The following PTCH1 variants were observed in gnomAD, a reference collection of about 807,000 sequenced individuals.
PTCH1 encodes the protein patched 1.
PTCH1 carries 14 observed loss-of-function variants against 144.6 expected under a neutral mutation model. The observed-to-expected ratio is 0.10, with a 90% confidence interval of 0.06 to 0.15. The LOEUF is 0.15. PTCH1 is among the 10% of genes least tolerant of loss of function. The pLI, the probability that PTCH1 is intolerant of heterozygous loss-of-function variation, is 1.00. For missense variants in PTCH1, 1,623 were observed against 1,948.3 expected (o/e 0.83, Z 3.14); for synonymous variants, 833 against 793.6 (o/e 1.05, Z -0.83).
At position 95,478,117 on chromosome 9, in the gene PTCH1, C is replaced by A. The variant is rs377546733; in HGVS notation, c.1285G>T (p.Asp429Tyr). 6.2e-7 allele frequency: 1 copy of A among 1,614,168 alleles called. No homozygotes were observed. Among genetic ancestry groups the A allele is most frequent in the Non-Finnish European group, 8.5e-7 (1 of 1,180,040 alleles). The change falls in exon 9 of 24, where the codon GAC becomes TAC. Residue 429 changes from aspartate (D) to tyrosine (Y), a missense_variant. Asp to Tyr is a radical substitution (Grantham distance 160). Around this residue, in one of 7 missense-constraint regions of PTCH1, gnomAD observed 230 missense variants for 271.0 expected, o/e 0.85. Transcript: ENST00000331920. ...VLSFTTTTLD[D>Y]ILKSFSDVSV... Reference sequence around the variant, plus strand: ...ACGTCAGAGAAGGATTTCAGGATGTCGTCCAGGGTCGTGGTGGTGAAGGAA... The same window carrying A: ...ACGTCAGAGAAGGATTTCAGGATGTAGTCCAGGGTCGTGGTGGTGAAGGAA...
chr9:95,495,263 AGCCACCAACCAAAAAACGGAAGGGTG>A (rs1842709824), intron 2 of PTCH1: 1 of 152,146 alleles, frequency 6.6e-6, no homozygotes, highest in Non-Finnish European at 1.5e-5. Context: ...CACTTCTTAT[AGCCACCAACCAAAAAACGGAAGGGTG>A]GAGGTGGGGG....
Position 95,449,303 on chromosome 9 carries a change from C to T in PTCH1, c.3570G>A (p.Leu1190=), listed in dbSNP as rs1199910144. 1 of 1,553,298 alleles carries T rather than the reference C, an allele frequency of 6.4e-7. No individual in the cohort carries two copies. The highest frequency in any genetic ancestry group is 8.7e-7 in the Non-Finnish European group (1 of 1,149,736). Residue 1190 remains leucine, a synonymous_variant, in exon 22 of 24, where the codon TTG becomes TTA. Transcript: ENST00000331920. This position sits in a 1 kb window ranked among gnomAD's most constrained non-coding sequence, Gnocchi z 5.3. Reference sequence around the variant, plus strand: ...CAGGGGAGGGTGTGGGCAGGCGGTTCAAGCCGTTGGCTGGAGACACCTATT... The same window carrying T: ...CAGGGGAGGGTGTGGGCAGGCGGTTTAAGCCGTTGGCTGGAGACACCTATT... ...PYPEVSPANG[L]NRLPTPSPEP... is the part of the protein sequence containing the mutation.
chr9:95,445,523 T>C lies in PTCH1; in HGVS notation c.*870A>G, dbSNP rs1236570646. ...GGAGATTATCCCCCTGAAGCACAAA[T>C]TGGGGTCCTGGATGGCAGCCAATGA... On this transcript the variant is annotated 3_prime_UTR_variant, in exon 24 of 24. Coordinates refer to ENST00000331920, the MANE Select transcript of PTCH1 (RefSeq NM_000264.5). The C allele has an allele frequency of 1.3e-5, 2 of 152,164 alleles. No homozygotes were observed. The highest frequency in any genetic ancestry group is 2.9e-5 in the Non-Finnish European group (2 of 68,070). 9.4% of individuals were successfully genotyped at this position (152,164 alleles called of 1,614,324 possible).
At chr9:95,502,861 G>A (rs1843250466) in intron 2 of PTCH1, among the ~76,000 whole-genome samples, 1 of 152,172 alleles carries the variant, frequency 6.6e-6, no homozygotes, top group African/African-American at 2.4e-5. Flanking sequence ...AAGCATGAAA[G>A]TCAATTTGAA....
intron 19 of PTCH1, among the ~76,000 whole-genome samples, chr9:95,455,330 C>A (rs2136640952): frequency 6.6e-6 from 1 of 152,306 alleles, no homozygotes; most frequent in Non-Finnish European, 1.5e-5. Context: ...TGTGCTGAGC[C>A]CAAAGGAAAC....
chr9:95,507,179 A>G (rs1453199672), intron 1 of PTCH1: 8 of 985,392 alleles, frequency 8.1e-6, no homozygotes, highest in East Asian at 1.1e-4. Flanking sequence ...TAGCGTGGGG[A>G]GAGGCTGTGT....
intron 15 of PTCH1, among the ~76,000 whole-genome samples, chr9:95,465,418 T>C (rs1243226400): frequency 6.6e-6 from 1 of 152,212 alleles, no homozygotes; most frequent in African/African-American, 2.4e-5. Context: ...TTTTAACTCA[T>C]TATCCCAAAA....
At chr9:95,500,077 T>A (rs1014605444) in intron 2 of PTCH1, among the ~76,000 whole-genome samples, 1 of 152,200 alleles carries the variant, frequency 6.6e-6, no homozygotes, top group Non-Finnish European at 1.5e-5. Flanking sequence ...AAATCTCCCA[T>A]GGCTTGTCCA....
chr9:95,477,232 G>A (rs766874233), intron 10 of PTCH1, among the ~76,000 whole-genome samples: 9 of 152,178 alleles, frequency 5.9e-5, no homozygotes, highest in African/African-American at 9.7e-5. Context: ...CCTGGCAATC[G>A]GAGCTTTCAC....
At chr9:95,490,276 C>G (rs1181209562) in intron 2 of PTCH1, among the ~76,000 whole-genome samples, 8 of 151,562 alleles carry the variant, frequency 5.3e-5, no homozygotes, top group Non-Finnish European at 1.0e-4. Flanking sequence ...GAGTCGAGAC[C>G]AGCCTGGGCA....
In PTCH1 at chr9:95,444,598, C is replaced by T. The variant is rs917095674; in HGVS notation, c.*1795G>A. The T allele has an allele frequency of 6.6e-6, 1 of 152,290 alleles. No individual in the cohort carries two copies. The highest frequency in any genetic ancestry group is 1.5e-5 in the Non-Finnish European group (1 of 68,152). 9.4% of individuals were successfully genotyped at this position (152,290 alleles called of 1,614,324 possible). A position where few individuals can be genotyped will look rare whatever the true frequency, so the allele number is the denominator to read the frequency against. Reference sequence around the variant, plus strand: ...TGGTGAGTATCAGGGTCTGAGGTCACTATGCTGTGGGTATTTCTGGGGGCC... The same window carrying T: ...TGGTGAGTATCAGGGTCTGAGGTCATTATGCTGTGGGTATTTCTGGGGGCC... On this transcript the variant is annotated 3_prime_UTR_variant, in exon 24 of 24. Coordinates refer to ENST00000331920, the MANE Select transcript of PTCH1 (RefSeq NM_000264.5).
At chr9:95,478,952 G>T in intron 8 of PTCH1, 48 bp downstream of exon 8, 1 of 1,612,790 alleles carries the variant, frequency 6.2e-7, no homozygotes, top group Non-Finnish European at 8.5e-7. Flanking sequence ...TGAAAATGAA[G>T]AATTGCATAA....
chr9:95,466,040 C>T (rs141606986), intron 15 of PTCH1, among the ~76,000 whole-genome samples: 96 of 152,062 alleles, frequency 6.3e-4, no homozygotes, highest in African/African-American at 1.8e-3. Flanking sequence ...CCAATAAAGG[C>T]ACTGTTATTT....
At position 95,447,128 on chromosome 9, in the gene PTCH1, G is replaced by T. The variant is rs142148876; in HGVS notation, c.4128C>A (p.Ser1376=). The change falls in exon 23 of 24, where the codon TCC becomes TCA. Residue 1376 remains serine, a synonymous_variant. Coordinates refer to ENST00000331920, the MANE Select transcript of PTCH1 (RefSeq NM_000264.5). The part of the protein sequence containing the change: ...QPITTVTASA[S]VTVAVHPPPV... The stretch of plus-strand genomic sequence containing the variant: ...GCGGCGGGTGCACGGCGACAGTCAC[G>T]GAGGCAGAAGCCGTCACAGTGGTGA... The T allele has an allele frequency of 6.2e-7, 1 of 1,613,274 alleles. No homozygotes were observed. Among genetic ancestry groups the T allele is most frequent in the Non-Finnish European group, 8.5e-7 (1 of 1,179,916 alleles).
intron 2 of PTCH1, among the ~76,000 whole-genome samples, chr9:95,491,629 G>A (rs1842416037): frequency 6.6e-6 from 1 of 152,128 alleles, no homozygotes; most frequent in Non-Finnish European, 1.5e-5. Context: ...CTTTAACCCA[G>A]AGTCCAACTA....
chr9:95,460,072 A>G (rs186442210), intron 16 of PTCH1: 15 of 456,910 alleles, frequency 3.3e-5, no homozygotes, highest in African/African-American at 2.4e-4. Flanking sequence ...CAGCCAAGGC[A>G]GAGAATGAAC....
intron 12 of PTCH1, among the ~76,000 whole-genome samples, chr9:95,473,763 C>T (rs903704980): frequency 1.3e-5 from 2 of 151,994 alleles, no homozygotes; most frequent in Admixed American, 6.6e-5. Context: ...AGGATGGTCT[C>T]GATCTCCTGA....
At position 95,445,208 on chromosome 9, in the gene PTCH1, ACAT is replaced by A. The variant is rs1365149463; in HGVS notation, c.*1182_*1184del. 3.3e-5 allele frequency: 5 copies of A among 152,294 alleles called. No individual in the cohort carries two copies. In the East Asian group the frequency reaches 9.6e-4, roughly 29 times the overall value. 9.4% of individuals were successfully genotyped at this position (152,294 alleles called of 1,614,324 possible). A position where few individuals can be genotyped will look rare whatever the true frequency, so the allele number is the denominator to read the frequency against. On this transcript the variant is annotated 3_prime_UTR_variant, in exon 24 of 24. Transcript: ENST00000331920. ...GGAGTTTAAACTATAGGGACTCAAA[ACAT>A]CATTTCTGGGAGACTGTGGGCCAAG...
intron 16 of PTCH1, among the ~76,000 whole-genome samples, chr9:95,461,326 C>A (rs1839436572): frequency 6.6e-6 from 1 of 152,224 alleles, no homozygotes; most frequent in Non-Finnish European, 1.5e-5. Context: ...TCACTCATCA[C>A]AGAGCGATCT....
Sources: gnomAD v4.1 joint callset for allele counts (sites outside exome capture counted in the v4.1 genomes callset) on GRCh38, gnomAD v4.1.1 for gene constraint, gnomAD v4.1.1 regional missense constraint, Gnocchi (gnomAD v3.1) non-coding constraint, MANE v1.5 for transcripts, NCBI Gene and HGNC (gene_info 2026-07-23, HGNC 2026-07-21) for gene names.